AGFG2: variants seen among roughly 807,000 people sequenced by gnomAD.
AGFG2 encodes ArfGAP with FG repeats 2.
AGFG2 carries 31 observed loss-of-function variants against 48.0 expected under a neutral mutation model. The observed-to-expected ratio is 0.65, with a 90% confidence interval of 0.49 to 0.87. AGFG2 has a LOEUF of 0.87. Among genes scored for constraint, AGFG2 ranks in the 40% least tolerant of loss-of-function variants. The pLI, the probability that AGFG2 is intolerant of heterozygous loss-of-function variation, is 0.00. For missense variants in AGFG2, 599 were observed against 632.6 expected (o/e 0.95, Z 0.57); for synonymous variants, 229 against 260.8 (o/e 0.88, Z 1.18).
At chr7:100,550,758 G>T (rs766494809) in intron 3 of AGFG2, among the ~76,000 whole-genome samples, 63 of 151,928 alleles carry the variant, frequency 4.1e-4, no homozygotes, top group Non-Finnish European at 3.4e-4. Context: ...TCGGGAGGTA[G>T]GCCTGTGGGT....
intron 6 of AGFG2, chr7:100,556,727 G>A (rs1760496989): frequency 1.0e-6 from 1 of 1,001,390 alleles, no homozygotes; most frequent in African/African-American, 1.7e-5. Flanking sequence ...TGACAGATAA[G>A]GCAGTTAAGC....
At chr7:100,548,168 C>G (rs1800550950) in intron 1 of AGFG2, among the ~76,000 whole-genome samples, 1 of 152,116 alleles carries the variant, frequency 6.6e-6, no homozygotes, top group African/African-American at 2.4e-5. Flanking sequence ...ACAGGCTGAA[C>G]ACTGAAACTA....
chr7:100,550,376 T>C lies in AGFG2; in HGVS notation c.316-20T>C. The C allele has an allele frequency of 6.5e-7, 1 of 1,540,964 alleles. No individual in the cohort carries two copies. Among genetic ancestry groups the C allele is most frequent in the East Asian group, 2.3e-5 (1 of 44,172 alleles). ...TTCCTGCTTTCTGCTCCCACTCCTC[T>C]GACACCTTCATTCTTTTAGGTTTGC... On this transcript the variant is annotated intron_variant, in intron 2 of 11. Coordinates refer to ENST00000300176, the MANE Select transcript of AGFG2 (RefSeq NM_006076.5).
chr7:100,565,067 T>C lies in AGFG2; in HGVS notation c.*76T>C. 1 of 1,498,788 alleles carries C rather than the reference T, an allele frequency of 6.7e-7. No homozygotes were observed. The highest frequency in any genetic ancestry group is 1.7e-5 in the Admixed American group (1 of 59,760). 92.8% of individuals were successfully genotyped at this position (1,498,788 alleles called of 1,614,324 possible). A position where few individuals can be genotyped will look rare whatever the true frequency, so the allele number is the denominator to read the frequency against. ...CCTAGAGCTCTGGTGACCACTTGCC[T>C]GTGGGCATTTCTATGGGCCTTGGGG... On this transcript the variant is annotated 3_prime_UTR_variant, in exon 12 of 12. Transcript: ENST00000300176.
chr7:100,542,596 G>T, intron 1 of AGFG2, among the ~76,000 whole-genome samples: 1 of 152,186 alleles, frequency 6.6e-6, no homozygotes, highest in East Asian at 1.9e-4. Context: ...CTTGTAAAGG[G>T]GTCTTAACAC....
At position 100,550,401 on chromosome 7, in the gene AGFG2, C is replaced by T; in HGVS notation, c.321C>T (p.Cys107=). The change falls in exon 3 of 12, where the codon TGC becomes TGT. Residue 107 remains cysteine (C), a synonymous_variant. Coordinates refer to ENST00000300176, the MANE Select transcript of AGFG2 (RefSeq NM_006076.5). ...VFLQSRGNEV[C]RKIWLGLFDA... ...TGACACCTTCATTCTTTTAGGTTTG[C>T]CGGAAGATTTGGTTGGGTCTGTTTG... 1 of 1,610,176 alleles carries T rather than the reference C, an allele frequency of 6.2e-7. No homozygotes were observed.
intron 11 of AGFG2, 71 bp downstream of exon 11, chr7:100,564,374 G>C (rs1800960595): frequency 1.3e-6 from 2 of 1,495,922 alleles, no homozygotes; most frequent in South Asian, 2.4e-5. Flanking sequence ...TTCCAGAAGA[G>C]GCTGATGTGA....
rs1254082161 is a variant in AGFG2, at chr7:100,562,599, T to TC, written c.1005dup (p.Gly336ArgfsTer31). The TC allele has an allele frequency of 6.2e-7, 1 of 1,613,106 alleles. No individual in the cohort carries two copies. The highest frequency in any genetic ancestry group is 8.5e-7 in the Non-Finnish European group (1 of 1,179,928). On this transcript the variant is annotated frameshift_variant, in exon 8 of 12. Coordinates refer to ENST00000300176, the MANE Select transcript of AGFG2 (RefSeq NM_006076.5). LOFTEE classifies it high-confidence loss of function. This position sits in a 1 kb window ranked among gnomAD's most constrained non-coding sequence, Gnocchi z 5.4. ...TCTCTCTCCCCGTGTTGTAGCCTCT[T>TC]CGGGATGGCTGGCCAGGTCCCCCCG...
In AGFG2 at chr7:100,564,065, C is replaced by T; in HGVS notation, c.1300+103C>T. ...CATCAGAGCCCATGCAGTGCCCTTT[C>T]TGACCAGCAGGGGGGACCAGGGAAG... On this transcript the variant is annotated intron_variant, in intron 10 of 11. Transcript: ENST00000300176. The T allele has an allele frequency of 1.9e-6, 3 of 1,563,396 alleles. No homozygotes were observed. In the South Asian group the frequency reaches 3.5e-5, roughly 18 times the overall value.
Position 100,553,455 on chromosome 7 carries a change from T to A in AGFG2, c.540T>A (p.Gly180=), listed in dbSNP as rs201839798. 6.5e-5 allele frequency: 105 copies of A among 1,613,536 alleles called. No homozygotes were observed. The East Asian group carries it at 2.1e-3, about 32-fold the overall frequency. ...GGAAGCCCCTTCGGACACTTCTGGG[T>A]GATCCTGCACCGTCTCTCTCAGTTG... ...PEGKPLRTLL[G]DPAPSLSVAA... The change falls in exon 4 of 12, where the codon GGT becomes GGA. Residue 180 remains glycine (G), a synonymous_variant. Coordinates refer to ENST00000300176, the MANE Select transcript of AGFG2 (RefSeq NM_006076.5).
chr7:100,543,905 G>C (rs936552945), intron 1 of AGFG2, among the ~76,000 whole-genome samples: 1 of 152,148 alleles, frequency 6.6e-6, no homozygotes, highest in African/African-American at 2.4e-5. Flanking sequence ...CCTTAACCTA[G>C]ATGTGGATCT....
At chr7:100,559,845 A>G (rs557036689) in intron 6 of AGFG2, among the ~76,000 whole-genome samples, 1 of 151,894 alleles carries the variant, frequency 6.6e-6, no homozygotes, top group Admixed American at 6.6e-5. Context: ...AGTGCATGAA[A>G]TGAAAAGCAA....
intron 1 of AGFG2, among the ~76,000 whole-genome samples, chr7:100,540,863 T>A (rs1800408883): frequency 6.6e-6 from 1 of 151,884 alleles, no homozygotes; most frequent in African/African-American, 2.4e-5. Flanking sequence ...AATACAAAAA[T>A]TACCTGGGTG....
In AGFG2 at chr7:100,553,356, C is replaced by G; in HGVS notation, c.441C>G (p.Pro147=). The change falls in exon 4 of 12, where the codon CCC becomes CCG. Residue 147 remains proline, a synonymous_variant. Transcript: ENST00000300176. Reference sequence around the variant, plus strand: ...CTATTCTTTCTCAAAGGTATGTCCCCCCAGACCAAGTCAAGGGGCCCACTT... The same window carrying G: ...CTATTCTTTCTCAAAGGTATGTCCCGCCAGACCAAGTCAAGGGGCCCACTT... ...EKYEKKRWYV[P]PDQVKGPTYT... 2 of 1,614,184 alleles carry G rather than the reference C, an allele frequency of 1.2e-6. No homozygotes were observed. Among genetic ancestry groups the G allele is most frequent in the Non-Finnish European group, 1.7e-6 (2 of 1,180,028 alleles).
In AGFG2 at chr7:100,567,582, G is replaced by A. The variant is rs573126242; in HGVS notation, c.*2591G>A. The A allele has an allele frequency of 6.5e-6, 1 of 152,840 alleles. No individual in the cohort carries two copies. Among genetic ancestry groups the A allele is most frequent in the South Asian group, 2.1e-4 (1 of 4,832 alleles). The allele number at this position is 152,840 out of a possible 1,614,324, so 9.5% of individuals were successfully genotyped here. On this transcript the variant is annotated 3_prime_UTR_variant, in exon 12 of 12. Transcript: ENST00000300176. ...CCTGTGGGCCAGGGGATGGGAGCAG[G>A]GCTGAGGGTAGGGGCTGAATGTGTG...
chr7:100,545,592 T>C (rs1240853163), intron 1 of AGFG2, among the ~76,000 whole-genome samples: 1 of 152,214 alleles, frequency 6.6e-6, no homozygotes, highest in Non-Finnish European at 1.5e-5. Context: ...TTGGAAAAAC[T>C]TACTCTATTC....
rs1800939810 is a variant in AGFG2, at chr7:100,563,973, T to C, written c.1300+11T>C. 2.5e-6 allele frequency: 4 copies of C among 1,605,386 alleles called. No individual in the cohort carries two copies. Among genetic ancestry groups the C allele is most frequent in the Non-Finnish European group, 3.4e-6 (4 of 1,179,834 alleles). On this transcript the variant is annotated intron_variant, in intron 10 of 11. Coordinates refer to ENST00000300176, the MANE Select transcript of AGFG2 (RefSeq NM_006076.5). ...TTCAGCAGCAGAATGGTAAGAGCTG[T>C]AGATGGACAAACCCTTTCACCCCAT... is the stretch of plus-strand genomic sequence containing the variant.
chr7:100,562,377 C>A lies in AGFG2; in HGVS notation c.996C>A (p.Ser332Arg). Residue 332 changes from serine (S) to arginine (R), a missense_variant and splice_region_variant, in exon 7 of 12, where the codon AGC becomes AGA. By Grantham distance (110) the Ser-to-Arg change is moderately radical. Transcript: ENST00000300176. The surrounding 1 kb of genome is among the most constrained non-coding windows in gnomAD (Gnocchi z 5.4). ...GPGVPAAGVP[S>R]SLFGMAGQVP... is the part of the protein sequence containing the mutation. ...GGGTGCCCGCTGCAGGTGTTCCTAG[C>A]AGGTAGGTACAGACAGTGGGCAGTC... 6.2e-7 allele frequency: 1 copy of A among 1,613,546 alleles called. No individual in the cohort carries two copies. The highest frequency in any genetic ancestry group is 8.5e-7 in the Non-Finnish European group (1 of 1,179,764).
chr7:100,553,642 C>A, intron 4 of AGFG2, 142 bp downstream of exon 4: 2 of 1,019,846 alleles, frequency 2.0e-6, no homozygotes, highest in South Asian at 1.8e-5. Context: ...TAACCTGTAT[C>A]TTGTATTTGT....
Sources: gnomAD v4.1 joint callset for allele counts (sites outside exome capture counted in the v4.1 genomes callset) on GRCh38, gnomAD v4.1.1 for gene constraint, Gnocchi (gnomAD v3.1) non-coding constraint, MANE v1.5 for transcripts, NCBI Gene and HGNC (gene_info 2026-07-23, HGNC 2026-07-21) for gene names.